Variants in ANKRD44 observed in about 807,000 individuals in gnomAD.
ANKRD44 encodes serine/threonine-protein phosphatase 6 regulatory ankyrin repeat subunit B.
A neutral mutation model predicts 116.0 loss-of-function variants in ANKRD44; 35 were observed. The ratio of observed to expected loss-of-function variants is 0.30; its 90% CI spans 0.23 to 0.40. The LOEUF (loss-of-function observed/expected upper bound fraction) is 0.40, where lower values mean the gene tolerates loss of function less well. ANKRD44 is among the 10% of genes least tolerant of loss of function. The pLI, the probability that ANKRD44 is intolerant of heterozygous loss-of-function variation, is 1.00. For synonymous variants in ANKRD44, 435 were observed against 461.8 expected (o/e 0.94, Z 0.74); for missense variants, 1,014 against 1,242.6 (o/e 0.82, Z 2.77).
intron 16 of ANKRD44, among the ~76,000 whole-genome samples, chr2:197,062,868 C>T (rs1461627226): frequency 1.3e-5 from 2 of 152,260 alleles, no homozygotes; most frequent in African/African-American, 4.8e-5. Context: ...GGCCTGCCTG[C>T]CTCTGTAGAC....
At chr2:197,159,246 C>G (rs959491237) in intron 2 of ANKRD44, among the ~76,000 whole-genome samples, 6 of 152,140 alleles carry the variant, frequency 3.9e-5, no homozygotes, top group African/African-American at 1.4e-4. Context: ...TTTTTTTCAA[C>G]CTCCAGGTGG....
At chr2:197,077,802 C>CT (rs1243058263) in intron 16 of ANKRD44, 15 of 152,148 alleles carry the variant, frequency 9.9e-5, no homozygotes, top group African/African-American at 3.6e-4. Context: ...TTAACACCTC[C>CT]TCCTAACCGT....
At chr2:197,266,607 A>G (rs1048283248) in intron 1 of ANKRD44, among the ~76,000 whole-genome samples, 3 of 150,954 alleles carry the variant, frequency 2.0e-5, no homozygotes, top group African/African-American at 7.3e-5. Context: ...GAAATGAGAA[A>G]TCATCTAGTA....
At position 197,093,114 on chromosome 2, in the gene ANKRD44, A is replaced by C. The variant is rs74264980; in HGVS notation, c.1101-3082T>G. Reference sequence around the variant, plus strand: ...AATACATACAAACACACACACACACACACACACACATATGTTCATATACAC... The same window carrying C: ...AATACATACAAACACACACACACACCCACACACACATATGTTCATATACAC... On this transcript the variant is annotated intron_variant, in intron 10 of 27. Transcript: ENST00000282272. Among the ~76,000 whole-genome samples, 15 of 151,832 alleles carry C rather than the reference A, an allele frequency of 9.9e-5. No homozygotes were observed. In the East Asian group the frequency reaches 1.3e-3, roughly 14 times the overall value.
At chr2:197,112,193 A>G (rs1659810952) in intron 8 of ANKRD44, among the ~76,000 whole-genome samples, 1 of 152,226 alleles carries the variant, frequency 6.6e-6, no homozygotes, top group South Asian at 2.1e-4. Context: ...TCTATGTAAC[A>G]CTTATTTTTA....
chr2:197,160,204 T>C (rs1175716311), intron 2 of ANKRD44, among the ~76,000 whole-genome samples: 2 of 152,194 alleles, frequency 1.3e-5, no homozygotes, highest in African/African-American at 4.8e-5. Flanking sequence ...TGATTACTCA[T>C]TTTTCTTTTT....
In ANKRD44 at chr2:197,013,730, AT is replaced by A; in HGVS notation, c.1723-19del. 1 of 1,611,734 alleles carries A rather than the reference AT, an allele frequency of 6.2e-7. No homozygotes were observed. The highest frequency in any genetic ancestry group is 1.1e-5 in the South Asian group (1 of 90,976). On this transcript the variant is annotated intron_variant, in intron 17 of 27. Transcript: ENST00000282272. ...TTGTAGGCCTGCAAAGAAGAAACCA[AT>A]GGCTCCCATGCTTGCTCGCTCACCT...
At chr2:197,178,271 G>A (rs1485285156) in intron 2 of ANKRD44, among the ~76,000 whole-genome samples, 1 of 152,124 alleles carries the variant, frequency 6.6e-6, no homozygotes, top group Non-Finnish European at 1.5e-5. Flanking sequence ...AGAAGTTTGA[G>A]ACGAGCCTGG....
intron 1 of ANKRD44, among the ~76,000 whole-genome samples, chr2:197,275,711 G>A (rs539711872): frequency 4.6e-5 from 7 of 151,822 alleles, no homozygotes; most frequent in Non-Finnish European, 8.8e-5. Flanking sequence ...GGGGCTTTTG[G>A]TCGTTACAAT....
At chr2:197,273,792 G>C (rs1186080766) in intron 1 of ANKRD44, among the ~76,000 whole-genome samples, 1 of 151,694 alleles carries the variant, frequency 6.6e-6, no homozygotes, top group Non-Finnish European at 1.5e-5. Context: ...TCTATGCTAG[G>C]AACAACCTAT....
At chr2:197,055,806 T>G (rs2077192123) in intron 16 of ANKRD44, among the ~76,000 whole-genome samples, 1 of 152,216 alleles carries the variant, frequency 6.6e-6, no homozygotes, top group Non-Finnish European at 1.5e-5. Flanking sequence ...TTTGCCCTAA[T>G]ACCATACTGT....
rs191391132 is a variant in ANKRD44 at position 197,073,627 on chromosome 2, T to C, written c.1650+5076A>G. 4.6e-5 allele frequency among the ~76,000 whole-genome samples: 7 copies of C among 152,280 alleles called. No homozygotes were observed. The East Asian group carries it at 7.7e-4, about 17-fold the overall frequency. ...AATTGTGTGGGACACAAATAAGATA[T>C]CTAAGCAATCTCCCTGAAGCTTCCC... On this transcript the variant is annotated intron_variant, in intron 16 of 27. Transcript: ENST00000282272.
At chr2:197,310,525 T>TCCGCG (rs2084223937) in intron 1 of ANKRD44, 53 bp downstream of exon 1, 1 of 1,016,928 alleles carries the variant, frequency 9.8e-7, no homozygotes, top group African/African-American at 1.8e-5. Flanking sequence ...CCCGCCGGGC[T>TCCGCG]CCGCGCCGCC....
chr2:197,016,012 C>T, intron 17 of ANKRD44: 1 of 535,810 alleles, frequency 1.9e-6, no homozygotes, highest in Non-Finnish European at 3.7e-6. Flanking sequence ...GCAGAAGTTT[C>T]TAAAAACAGC....
chr2:196,997,861 A>G (rs2076042576), intron 25 of ANKRD44, among the ~76,000 whole-genome samples: 1 of 151,066 alleles, frequency 6.6e-6, no homozygotes, highest in South Asian at 2.1e-4. Flanking sequence ...AAAAGGGGGA[A>G]GGGTAGAAAT....
At chr2:197,291,238 G>A (rs941521019) in intron 1 of ANKRD44, among the ~76,000 whole-genome samples, 8 of 151,482 alleles carry the variant, frequency 5.3e-5, no homozygotes, top group Admixed American at 2.0e-4. Context: ...GGCCAGGCGC[G>A]GTGGCTCATG....
intron 2 of ANKRD44, among the ~76,000 whole-genome samples, chr2:197,163,511 A>C (rs1374169793): frequency 6.6e-6 from 1 of 152,188 alleles, no homozygotes; most frequent in East Asian, 1.9e-4. Context: ...GCGCATGAAA[A>C]AATTAGAGGC....
At chr2:197,278,177 A>C (rs1574427196) in intron 1 of ANKRD44, among the ~76,000 whole-genome samples, 1 of 152,206 alleles carries the variant, frequency 6.6e-6, no homozygotes, top group African/African-American at 2.4e-5. Context: ...AAGAAAGGCA[A>C]TTGGCTGGTG....
At chr2:196,971,786 C>T (rs2075717570) in intron 21 of ANKRD44, among the ~76,000 whole-genome samples, 1 of 152,158 alleles carries the variant, frequency 6.6e-6, no homozygotes. Context: ...TGGCCCTCCT[C>T]CAGTTCAGGC....
Sources: gnomAD v4.1 joint callset for allele counts (sites outside exome capture counted in the v4.1 genomes callset) on GRCh38, gnomAD v4.1.1 for gene constraint, MANE v1.5 for transcripts, NCBI Gene and HGNC (gene_info 2026-07-23, HGNC 2026-07-21) for gene names.